Variants in AJUBA observed in about 807,000 individuals in gnomAD.
The protein encoded by AJUBA is ajuba LIM protein.
Under a neutral mutation model 53.3 loss-of-function variants are expected in AJUBA, and 20 were observed. The ratio of observed to expected loss-of-function variants is 0.38; its 90% CI spans 0.26 to 0.55. The LOEUF (loss-of-function observed/expected upper bound fraction) is 0.55. Ranked by LOEUF, AJUBA falls within the 20% of genes least tolerant of loss-of-function variation. AJUBA has a pLI of 0.80. For missense variants in AJUBA, 580 were observed against 730.5 expected, an observed-to-expected ratio of 0.79 and a Z score of 2.38; for synonymous variants, 296 against 306.2, an observed-to-expected ratio of 0.97 and a Z score of 0.35.
Position 22,981,361 on chromosome 14 carries a change from C to G in AJUBA, c.906G>C (p.Ser302=). 1 of 1,613,380 alleles carries G rather than the reference C, an allele frequency of 6.2e-7. No homozygotes were observed. The highest frequency in any genetic ancestry group is 8.5e-7 in the Non-Finnish European group (1 of 1,179,992). ...GREAGARGEP[S]GIEPSGLEEP... ...CCTCCAGACCCGACGGCTCAATCCCCGAGGGTTCTCCGCGGGCTCCGGCTT... is the reference window on the plus strand; with the variant it reads ...CCTCCAGACCCGACGGCTCAATCCCGGAGGGTTCTCCGCGGGCTCCGGCTT... Residue 302 remains serine, a synonymous_variant, in exon 1 of 8, where the codon TCG becomes TCC. Coordinates refer to ENST00000262713, the MANE Select transcript of AJUBA (RefSeq NM_032876.6).
chr14:22,976,415 G>A, intron 4 of AJUBA, 41 bp downstream of exon 4: 1 of 1,596,646 alleles, frequency 6.3e-7, no homozygotes, highest in South Asian at 1.1e-5. Context: ...CCGCTCCTCA[G>A]CCTCACAGTG....
Position 22,982,222 on chromosome 14 carries a change from G to A in AJUBA, c.45C>T (p.Phe15=). The A allele has an allele frequency of 6.2e-7, 1 of 1,613,954 alleles. No individual in the cohort carries two copies. The highest frequency in any genetic ancestry group is 8.5e-7 in the Non-Finnish European group (1 of 1,179,892). Residue 15 remains phenylalanine (F), a synonymous_variant, in exon 1 of 8, where the codon TTC becomes TTT. Transcript: ENST00000262713. ...GEKASRLLEK[F]GRRKGESSRS... is the part of the protein sequence containing the mutation. ...GGCTAGATTCACCCTTTCTGCGGCCGAACTTCTCCAGCAGGCGACTGGCTT... is the reference window on the plus strand; with the variant it reads ...GGCTAGATTCACCCTTTCTGCGGCCAAACTTCTCCAGCAGGCGACTGGCTT...
At position 22,981,702 on chromosome 14, in the gene AJUBA, C is replaced by A; in HGVS notation, c.565G>T (p.Ala189Ser). The change falls in exon 1 of 8, where the codon GCC (alanine) becomes TCC (serine). Residue 189 changes from alanine (A) to serine (S), a missense_variant. Ala to Ser is a moderately conservative substitution (Grantham distance 99). Transcript: ENST00000262713. ...GGAGAATAGCCTGCCGGTGCTCCGG[C>A]CAGGGGTGGGCCAAACAGGCACGGC... is the stretch of plus-strand genomic sequence containing the variant. ...AGPCLFGPPL[A>S]GAPAGYSPGG... 1 of 1,524,884 alleles carries A rather than the reference C, an allele frequency of 6.6e-7. No homozygotes were observed. Among genetic ancestry groups the A allele is most frequent in the East Asian group, 2.5e-5 (1 of 40,780 alleles). 94.5% of individuals were successfully genotyped at this position (1,524,884 alleles called of 1,614,324 possible).
rs371575836 is a variant in AJUBA at position 22,982,282 on chromosome 14, G to A, written c.-16C>T. Reference sequence around the variant, plus strand: ...ACCGCTCCATGCCCTCGGGCCTGGGGCCTCTCGCCCCCTCCCCGCCTGGCA... The same window carrying A: ...ACCGCTCCATGCCCTCGGGCCTGGGACCTCTCGCCCCCTCCCCGCCTGGCA... On this transcript the variant is annotated 5_prime_UTR_variant, in exon 1 of 8. Coordinates refer to ENST00000262713, the MANE Select transcript of AJUBA (RefSeq NM_032876.6). 12 of 1,610,462 alleles carry A rather than the reference G, an allele frequency of 7.5e-6. No individual in the cohort carries two copies. The African/African-American group carries it at 1.5e-4, about 20-fold the overall frequency.
rs1439021369 is a variant in AJUBA, at chr14:22,981,793, G to A, written c.474C>T (p.Cys158=). 2 of 1,533,934 alleles carry A rather than the reference G, an allele frequency of 1.3e-6. No individual in the cohort carries two copies. Among genetic ancestry groups the A allele is most frequent in the Non-Finnish European group, 1.7e-6 (2 of 1,146,286 alleles). Residue 158 remains cysteine (C), a synonymous_variant, in exon 1 of 8, where the codon TGC becomes TGT. Coordinates refer to ENST00000262713, the MANE Select transcript of AJUBA (RefSeq NM_032876.6). ...GAGGAGGSRP[C]SNRTSGISMG... ...TGCTGATGCCGCTGGTGCGATTGCTGCAGGGCCGGCTACCTCCAGCTCCGC... is the reference window on the plus strand; with the variant it reads ...TGCTGATGCCGCTGGTGCGATTGCTACAGGGCCGGCTACCTCCAGCTCCGC...
chr14:22,982,490 G>A lies in AJUBA; in HGVS notation c.-224C>T. The A allele has an allele frequency of 6.4e-6, 9 of 1,407,476 alleles. No homozygotes were observed. Among genetic ancestry groups the A allele is most frequent in the Non-Finnish European group, 8.3e-6 (9 of 1,087,180 alleles). 87.2% of individuals were successfully genotyped at this position (1,407,476 alleles called of 1,614,324 possible). On this transcript the variant is annotated 5_prime_UTR_variant, in exon 1 of 8. Coordinates refer to ENST00000262713, the MANE Select transcript of AJUBA (RefSeq NM_032876.6). The stretch of plus-strand genomic sequence containing the variant: ...ATCTGGGGCTGAGCGGGGCTAGCAG[G>A]GTCTCTGGCCGCGGCTGTCCAGTCC...
rs368424471 is a variant in AJUBA at position 22,974,118 on chromosome 14, G to A, written c.1423-3C>T. ...ACCCTCACGATGTCCTCACAGCCCT[G>A]AAACATGCAGACCCCCATGGAGATG... is the stretch of plus-strand genomic sequence containing the variant. On this transcript the variant is annotated splice_polypyrimidine_tract_variant and splice_region_variant and intron_variant, in intron 6 of 7. Transcript: ENST00000262713. 19 of 1,613,970 alleles carry A rather than the reference G, an allele frequency of 1.2e-5. No homozygotes were observed. In the African/African-American group the frequency reaches 2.5e-4, roughly 22 times the overall value.
chr14:22,982,286 C>G lies in AJUBA; in HGVS notation c.-20G>C. 1 of 1,608,958 alleles carries G rather than the reference C, an allele frequency of 6.2e-7. No individual in the cohort carries two copies. Among genetic ancestry groups the G allele is most frequent in the South Asian group, 1.1e-5 (1 of 90,654 alleles). Reference sequence around the variant, plus strand: ...CTCCATGCCCTCGGGCCTGGGGCCTCTCGCCCCCTCCCCGCCTGGCACCCT... The same window carrying G: ...CTCCATGCCCTCGGGCCTGGGGCCTGTCGCCCCCTCCCCGCCTGGCACCCT... On this transcript the variant is annotated 5_prime_UTR_variant, in exon 1 of 8. Transcript: ENST00000262713.
rs918042341 is a variant in AJUBA at position 22,982,008 on chromosome 14, C to T, written c.259G>A (p.Gly87Ser). The T allele has an allele frequency of 5.0e-6, 8 of 1,586,720 alleles. No homozygotes were observed. Among genetic ancestry groups the T allele is most frequent in the Non-Finnish European group, 6.8e-6 (8 of 1,171,496 alleles). ...RGSFEAPRYE[G>S]SFPAGPPPTR... ...GGCGGCGGCCCCGCGGGAAAAGAGC[C>T]TTCGTAGCGCGGCGCCTCAAAGGAG... Residue 87 changes from glycine (G) to serine (S), a missense_variant, in exon 1 of 8, where the codon GGC (glycine) becomes AGC (serine). Physicochemically the swap from Gly to Ser is moderately conservative, Grantham distance 56 (BLOSUM62 0). Around this residue, in one of 2 missense-constraint regions of AJUBA, gnomAD observed 430 missense variants for 471.5 expected, o/e 0.91. Coordinates refer to ENST00000262713, the MANE Select transcript of AJUBA (RefSeq NM_032876.6).
Position 22,981,325 on chromosome 14 carries a change from A to T in AJUBA, c.942T>A (p.Gly314=). ...CCCGGGCGGCCTCCGGAACGAAAGG[A>T]CCTGGTGGCTCCTCCAGACCCGACG... is the stretch of plus-strand genomic sequence containing the variant. ...IEPSGLEEPP[G]PFVPEAARAR... The change falls in exon 1 of 8, where the codon GGT becomes GGA. Residue 314 remains glycine, a synonymous_variant. Transcript: ENST00000262713. 1 of 1,613,156 alleles carries T rather than the reference A, an allele frequency of 6.2e-7. No homozygotes were observed. Among genetic ancestry groups the T allele is most frequent in the Non-Finnish European group, 8.5e-7 (1 of 1,179,732 alleles).
chr14:22,978,835 G>A, intron 1 of AJUBA: 1 of 1,246,152 alleles, frequency 8.0e-7, no homozygotes, highest in South Asian at 1.4e-5. Flanking sequence ...CAGTCCACAG[G>A]TGCTCAGCAG....
intron 7 of AJUBA, 106 bp from the exon 8 acceptor site, chr14:22,973,674 AG>A (rs2045006635): frequency 6.8e-7 from 1 of 1,471,078 alleles, no homozygotes; most frequent in African/African-American, 1.4e-5. Context: ...ACTGGAAGAA[AG>A]GGATGGGGTG....
intron 2 of AJUBA, chr14:22,977,544 T>G (rs1376031360): frequency 6.6e-6 from 1 of 152,026 alleles, no homozygotes; most frequent in Non-Finnish European, 1.5e-5. Flanking sequence ...TAGAAGCTCA[T>G]GAGACACAGG....
chr14:22,974,091 T>C lies in AJUBA; in HGVS notation c.1447A>G (p.Ile483Val). Residue 483 changes from isoleucine (I) to valine (V), a missense_variant, in exon 7 of 8, where the codon ATA becomes GTA. Around this residue, in one of 2 missense-constraint regions of AJUBA, gnomAD observed 150 missense variants for 259.0 expected, o/e 0.58. Transcript: ENST00000262713. ...SEGCEDIVRV[I>V]SMDRDYHFEC... ...AAGTGATAATCCCGGTCCATGGATA[T>C]CACCCTCACGATGTCCTCACAGCCC... 1 of 1,614,088 alleles carries C rather than the reference T, an allele frequency of 6.2e-7. No individual in the cohort carries two copies. Among genetic ancestry groups the C allele is most frequent in the Non-Finnish European group, 8.5e-7 (1 of 1,180,020 alleles).
In AJUBA at chr14:22,976,927, G is replaced by A. The variant is rs1041051111; in HGVS notation, c.1109-215C>T. 7.1e-6 allele frequency: 10 copies of A among 1,401,770 alleles called. No individual in the cohort carries two copies. In the East Asian group the frequency reaches 1.8e-4, roughly 25 times the overall value. 86.8% of individuals were successfully genotyped at this position (1,401,770 alleles called of 1,614,324 possible). On this transcript the variant is annotated intron_variant, in intron 2 of 7. Transcript: ENST00000262713. ...AGCCAACTTCCCCTCTCCTCTGCTT[G>A]CTGCTCCTCCAGCTCCTGCCTCCTT...
At chr14:22,975,210 T>A (rs114693172) in intron 4 of AJUBA, 106 bp from the exon 5 acceptor site, 2 of 1,442,834 alleles carry the variant, frequency 1.4e-6, no homozygotes, top group Non-Finnish European at 1.9e-6. Flanking sequence ...CCCGCTGCTA[T>A]ACTCCCAGAA....
rs1345235385 is a variant in AJUBA at position 22,982,065 on chromosome 14, C to T, written c.202G>A (p.Gly68Ser). ...TGATTTCGCTCAGCGTCCAGGGAAC[C>T]TTGCTCCCGGGCCGGCTCCAACGGC... is the stretch of plus-strand genomic sequence containing the variant. The part of the protein sequence containing the change: ...DEPLEPAREQ[G>S]SLDAERNQRG... Residue 68 changes from glycine to serine, a missense_variant, in exon 1 of 8, where the codon GGT (glycine) becomes AGT (serine). Gly to Ser is a moderately conservative substitution (Grantham distance 56). Around this residue, in one of 2 missense-constraint regions of AJUBA, gnomAD observed 430 missense variants for 471.5 expected, o/e 0.91. Transcript: ENST00000262713. 1 of 1,593,360 alleles carries T rather than the reference C, an allele frequency of 6.3e-7. No homozygotes were observed. Among genetic ancestry groups the T allele is most frequent in the Non-Finnish European group, 8.5e-7 (1 of 1,173,432 alleles).
rs2044991617 is a variant in AJUBA, at chr14:22,972,391, C to CTGGG, written c.*1051_*1052insCCCA. 1 of 152,394 alleles carries CTGGG rather than the reference C, an allele frequency of 6.6e-6. No individual in the cohort carries two copies. The allele number at this position is 152,394 out of a possible 1,614,324, so 9.4% of individuals were successfully genotyped here. ...GAGAGTGTGTGTGTGCATGAACACA[C>CTGGG]CCACACATGCATACACTGGGCTATA... On this transcript the variant is annotated 3_prime_UTR_variant, in exon 8 of 8. Transcript: ENST00000262713.
chr14:22,974,670 G>C (rs2045017632), intron 6 of AJUBA, 169 bp downstream of exon 6: 1 of 710,560 alleles, frequency 1.4e-6, no homozygotes, highest in Admixed American at 3.0e-5. Flanking sequence ...TCCAGGCCCG[G>C]ATATTAGGGT....
Sources: gnomAD v4.1 joint callset for allele counts on GRCh38, gnomAD v4.1.1 for gene constraint, gnomAD v4.1.1 regional missense constraint, MANE v1.5 for transcripts, NCBI Gene and HGNC (gene_info 2026-07-23, HGNC 2026-07-21) for gene names.